The following TSPAN5 variants were observed in gnomAD, a reference collection of about 807,000 sequenced individuals.
The protein encoded by TSPAN5 is tetraspanin 5.
TSPAN5 carries 10 observed loss-of-function variants against 37.1 expected under a neutral mutation model. The observed-to-expected ratio is 0.27, with a 90% CI of 0.17 to 0.46. TSPAN5 has a LOEUF of 0.46. Ranked by LOEUF, TSPAN5 falls within the 20% of genes least tolerant of loss-of-function variation. The probability of loss-of-function intolerance (pLI) is 1.00; values close to 1 mark genes in which losing one functional copy is unlikely to be tolerated. For missense variants in TSPAN5, 195 were observed against 326.6 expected, an observed-to-expected ratio of 0.60 and a Z score of 3.11; for synonymous variants, 110 against 118.9, an observed-to-expected ratio of 0.93 and a Z score of 0.48.
intron 2 of TSPAN5, among the ~76,000 whole-genome samples, chr4:98,503,247 T>A (rs1424610201): frequency 1.3e-5 from 2 of 151,950 alleles, no homozygotes; most frequent in African/African-American, 4.8e-5. Flanking sequence ...CTACAGTGGA[T>A]CCCAAGCTAG....
Position 98,509,581 on chromosome 4 carries a change from T to C in TSPAN5, c.82-1853A>G, listed in dbSNP as rs114302339. On this transcript the variant is annotated intron_variant, in intron 1 of 7. Coordinates refer to ENST00000305798, the MANE Select transcript of TSPAN5 (RefSeq NM_005723.4). ...ATTTGGCAAGAACTGAAGACCCCTTTCTTCCTACCCCTTGCTCTTATAGGG... is the reference window on the plus strand; with the variant it reads ...ATTTGGCAAGAACTGAAGACCCCTTCCTTCCTACCCCTTGCTCTTATAGGG... Among the ~76,000 whole-genome samples, 962 of 152,318 alleles carry C rather than the reference T, an allele frequency of 6.3e-3. 19 individuals are homozygous for C. Among genetic ancestry groups the C allele is most frequent in the African/African-American group, 0.022 (906 of 41,556 alleles).
intron 1 of TSPAN5, among the ~76,000 whole-genome samples, chr4:98,546,651 G>A (rs1754478136): frequency 6.6e-6 from 1 of 152,138 alleles, no homozygotes; most frequent in Admixed American, 6.6e-5. Flanking sequence ...TGTGAAGGCT[G>A]GCTGTAAAAT....
chr4:98,480,424 A>G (rs1172050354), intron 4 of TSPAN5, among the ~76,000 whole-genome samples: 2 of 152,218 alleles, frequency 1.3e-5, no homozygotes, highest in African/African-American at 2.4e-5. Flanking sequence ...TATTAAAACA[A>G]GCGGTTAAAT....
intron 1 of TSPAN5, among the ~76,000 whole-genome samples, chr4:98,609,366 G>A (rs550004714): frequency 2.0e-5 from 3 of 152,306 alleles, no homozygotes; most frequent in Admixed American, 6.5e-5. Context: ...CACTGGCTGG[G>A]GGAGAGGGCC....
chr4:98,526,464 A>G (rs1753965212), intron 1 of TSPAN5, among the ~76,000 whole-genome samples: 1 of 152,134 alleles, frequency 6.6e-6, no homozygotes, highest in Non-Finnish European at 1.5e-5. Flanking sequence ...CCTAACAAAT[A>G]CCTCTGAGGG....
At chr4:98,529,001 A>G (rs1180366509) in intron 1 of TSPAN5, among the ~76,000 whole-genome samples, 3 of 152,228 alleles carry the variant, frequency 2.0e-5, no homozygotes, top group Non-Finnish European at 4.4e-5. Flanking sequence ...ACCCAAGGTC[A>G]CACAGATTGA....
At chr4:98,548,048 C>T (rs1754512984) in intron 1 of TSPAN5, among the ~76,000 whole-genome samples, 1 of 146,150 alleles carries the variant, frequency 6.8e-6, no homozygotes, top group African/African-American at 2.5e-5. Context: ...AAGAAAAAAA[C>T]ACAAAAGCGT....
intron 1 of TSPAN5, among the ~76,000 whole-genome samples, chr4:98,557,989 C>T (rs1448962983): frequency 6.6e-6 from 1 of 152,110 alleles, no homozygotes; most frequent in Non-Finnish European, 1.5e-5. Flanking sequence ...TAATGTAGTG[C>T]CCAGGGTGAG....
Position 98,622,066 on chromosome 4 carries a change from G to A in TSPAN5, c.81+36080C>T, listed in dbSNP as rs533315558. Among the ~76,000 whole-genome samples the A allele has an allele frequency of 4.6e-5, 7 of 152,250 alleles. No homozygotes were observed. The South Asian group carries it at 1.0e-3, about 23-fold the overall frequency. ...CTTTGGGGCTATTATGAGTAATGCT[G>A]CTATTGAACATTATGCACACTTTCT... is the stretch of plus-strand genomic sequence containing the variant. On this transcript the variant is annotated intron_variant, in intron 1 of 7. Coordinates refer to ENST00000305798, the MANE Select transcript of TSPAN5 (RefSeq NM_005723.4).
chr4:98,574,098 G>GT (rs1181513263), intron 1 of TSPAN5, among the ~76,000 whole-genome samples: 18 of 152,332 alleles, frequency 1.2e-4, no homozygotes, highest in Admixed American at 1.2e-3. Context: ...GAAAGTATTT[G>GT]TTGAACTGAA....
intron 1 of TSPAN5, among the ~76,000 whole-genome samples, chr4:98,613,539 G>T (rs907933462): frequency 1.8e-4 from 28 of 152,260 alleles, no homozygotes; most frequent in African/African-American, 6.5e-4. Context: ...ATGCAAATAT[G>T]GCCTCTGCAA....
chr4:98,578,129 T>C (rs924648879), intron 1 of TSPAN5, among the ~76,000 whole-genome samples: 2 of 152,202 alleles, frequency 1.3e-5, no homozygotes, highest in South Asian at 2.1e-4. Flanking sequence ...CAAGCAGTTA[T>C]GCAGAATTAA....
intron 1 of TSPAN5, among the ~76,000 whole-genome samples, chr4:98,521,043 T>C (rs1475996896): frequency 6.6e-6 from 1 of 152,308 alleles, no homozygotes; most frequent in East Asian, 1.9e-4. Flanking sequence ...GCGATTCTCC[T>C]GCCTCAGCCT....
chr4:98,573,243 G>A (rs923394006), intron 1 of TSPAN5, among the ~76,000 whole-genome samples: 1 of 152,140 alleles, frequency 6.6e-6, no homozygotes, highest in Non-Finnish European at 1.5e-5. Flanking sequence ...GCTCTTCTAG[G>A]AGACATTGGG....
Position 98,579,071 on chromosome 4 carries a change from C to A in TSPAN5, c.82-71343G>T, listed in dbSNP as rs556582182. ...AGGAAGACGTGCTGGATGGGGGGCT[C>A]TGGTGGGTGGCTGTCCTCCCCACAA... On this transcript the variant is annotated intron_variant, in intron 1 of 7. Coordinates refer to ENST00000305798, the MANE Select transcript of TSPAN5 (RefSeq NM_005723.4). Among the ~76,000 whole-genome samples the A allele has an allele frequency of 1.2e-3, 187 of 152,252 alleles. 1 individual carries two copies. Among genetic ancestry groups the A allele is most frequent in the Non-Finnish European group, 2.4e-3 (164 of 68,010 alleles).
chr4:98,584,579 T>C (rs1467714595), intron 1 of TSPAN5, among the ~76,000 whole-genome samples: 2 of 152,250 alleles, frequency 1.3e-5, no homozygotes, highest in Non-Finnish European at 2.9e-5. Flanking sequence ...TACTTATATA[T>C]GTAGACTTTC....
chr4:98,588,219 A>C (rs1755540271), intron 1 of TSPAN5, among the ~76,000 whole-genome samples: 1 of 152,200 alleles, frequency 6.6e-6, no homozygotes, highest in Non-Finnish European at 1.5e-5. Flanking sequence ...GATAAAATGA[A>C]AAAGGATTAG....
At chr4:98,476,087 A>G in intron 7 of TSPAN5, 102 bp downstream of exon 7, 1 of 855,610 alleles carries the variant, frequency 1.2e-6, no homozygotes, top group Non-Finnish European at 1.9e-6. Flanking sequence ...ATGTGTCTTA[A>G]AAACTATGAC....
intron 1 of TSPAN5, among the ~76,000 whole-genome samples, chr4:98,544,719 G>A (rs965384187): frequency 1.3e-5 from 2 of 152,090 alleles, no homozygotes; most frequent in African/African-American, 4.8e-5. Context: ...ACAAAGACGG[G>A]GTGGCTAAAA....
Sources: allele counts gnomAD v4.1 joint callset (sites outside exome capture counted in the v4.1 genomes callset), GRCh38; gene constraint gnomAD v4.1.1; transcripts MANE v1.5; gene names NCBI Gene and HGNC (gene_info 2026-07-23, HGNC 2026-07-21).